The following HPSE2 variants were observed in gnomAD, a reference collection of about 807,000 sequenced individuals.
The protein encoded by HPSE2 is heparanase 2 (inactive), also known as inactive heparanase-2.
Under a neutral mutation model 60.5 loss-of-function variants are expected in HPSE2, and 38 were observed. The observed-to-expected ratio is 0.63, with a 90% CI of 0.48 to 0.82. The LOEUF (loss-of-function observed/expected upper bound fraction) is 0.82. HPSE2 is among the 40% of genes least tolerant of loss of function. The pLI is 0.00. For synonymous variants in HPSE2, 295 were observed against 293.2 expected, an observed-to-expected ratio of 1.01 and a Z score of -0.06; for missense variants, 713 against 740.4, an observed-to-expected ratio of 0.96 and a Z score of 0.43.
At chr10:99,117,642 T>C (rs909421178) in intron 3 of HPSE2, among the ~76,000 whole-genome samples, 1 of 151,892 alleles carries the variant, frequency 6.6e-6, no homozygotes, top group African/African-American at 2.4e-5. Flanking sequence ...TCTGTACACA[T>C]ACACCCTCCC....
chr10:99,041,124 C>T (rs763511347), intron 3 of HPSE2, among the ~76,000 whole-genome samples: 9 of 151,910 alleles, frequency 5.9e-5, no homozygotes, highest in Non-Finnish European at 1.0e-4. Flanking sequence ...GTATTCAGCA[C>T]ATTGATCTGA....
chr10:99,134,975 C>A (rs1039708507), intron 3 of HPSE2, among the ~76,000 whole-genome samples: 6 of 152,000 alleles, frequency 3.9e-5, no homozygotes, highest in Admixed American at 3.9e-4. Flanking sequence ...GAGACCCAGC[C>A]CACCTGCAAA....
intron 3 of HPSE2, among the ~76,000 whole-genome samples, chr10:99,135,191 A>G (rs114101379): frequency 0.022 from 2,776 of 124,992 alleles, 90 homozygotes; most frequent in African/African-American, 0.067. Context: ...TATGCACCCA[A>G]TACAAGAACA....
intron 3 of HPSE2, among the ~76,000 whole-genome samples, chr10:99,008,280 G>A (rs1956935904): frequency 6.6e-6 from 1 of 152,138 alleles, no homozygotes; most frequent in African/African-American, 2.4e-5. Flanking sequence ...ACACTAGCAA[G>A]GATAAAGCCT....
intron 3 of HPSE2, among the ~76,000 whole-genome samples, chr10:99,095,434 T>C (rs2135616384): frequency 6.6e-6 from 1 of 152,334 alleles, no homozygotes; most frequent in South Asian, 2.1e-4. Context: ...CTTCAACCAT[T>C]TAAACTGTAG....
chr10:99,072,021 G>C (rs1842806068), intron 3 of HPSE2, among the ~76,000 whole-genome samples: 1 of 84,314 alleles, frequency 1.2e-5, no homozygotes, highest in Admixed American at 1.0e-4. Context: ...CTCTAACTTT[G>C]TTTGTTTTTT....
At chr10:99,265,253 A>G in the HPSE2 span, among the ~76,000 whole-genome samples, 1 of 152,164 alleles carries the variant, frequency 6.6e-6, no homozygotes, top group Non-Finnish European at 1.5e-5. Context: ...ACCTATAAGA[A>G]CTAATGATAA....
chr10:98,708,309 A>G (rs1475201050), intron 5 of HPSE2, among the ~76,000 whole-genome samples: 1 of 152,056 alleles, frequency 6.6e-6, no homozygotes, highest in Non-Finnish European at 1.5e-5. Context: ...ACAAAAAATT[A>G]GCTGGGCGTG....
chr10:98,672,825 G>A (rs1213076499), intron 6 of HPSE2, among the ~76,000 whole-genome samples: 1 of 151,994 alleles, frequency 6.6e-6, no homozygotes, highest in Non-Finnish European at 1.5e-5. Flanking sequence ...CCTTTAAAAG[G>A]TGAGTGTCTC....
chr10:99,191,344 A>G (rs1240600712), intron 2 of HPSE2, among the ~76,000 whole-genome samples: 1 of 151,430 alleles, frequency 6.6e-6, no homozygotes, highest in African/African-American at 2.4e-5. Flanking sequence ...GACTCAGTGC[A>G]GTCCCAGGGG....
intron 9 of HPSE2, among the ~76,000 whole-genome samples, chr10:98,593,407 G>A (rs1156376088): frequency 6.6e-6 from 1 of 152,074 alleles, no homozygotes; most frequent in Non-Finnish European, 1.5e-5. Context: ...GGCATGCTTA[G>A]GAGTCTGGGG....
intron 3 of HPSE2, among the ~76,000 whole-genome samples, chr10:99,003,935 AGT>A (rs1956833623): frequency 6.6e-6 from 1 of 152,034 alleles, no homozygotes; most frequent in Admixed American, 6.6e-5. Context: ...TCTAAATTTA[AGT>A]CTTTTATCCA....
At chr10:99,044,990 A>T (rs1470405281) in intron 3 of HPSE2, among the ~76,000 whole-genome samples, 36 of 152,248 alleles carry the variant, frequency 2.4e-4, no homozygotes, top group African/African-American at 8.7e-4. Flanking sequence ...CTATGGACTC[A>T]AATGCAACAC....
chr10:98,657,443 G>A (rs1399438997), intron 6 of HPSE2, among the ~76,000 whole-genome samples: 2 of 151,928 alleles, frequency 1.3e-5, no homozygotes, highest in East Asian at 3.9e-4. Flanking sequence ...CAATTCTTGT[G>A]CTTCAACACC....
At chr10:99,132,225 G>GAAAGAA (rs1362965352) in intron 3 of HPSE2, among the ~76,000 whole-genome samples, 13 of 17,006 alleles carry the variant, frequency 7.6e-4, no homozygotes, top group Admixed American at 9.4e-4. Context: ...GAGAGAGAGA[G>GAAAGAA]AGAGAGAGAG....
chr10:98,873,066 C>A (rs978252566), intron 3 of HPSE2, among the ~76,000 whole-genome samples: 1 of 151,968 alleles, frequency 6.6e-6, no homozygotes, highest in South Asian at 2.1e-4. Flanking sequence ...GTTACAAGGG[C>A]CCCTATTTAA....
At chr10:99,046,204 C>T (rs1376708956) in intron 3 of HPSE2, among the ~76,000 whole-genome samples, 1 of 151,872 alleles carries the variant, frequency 6.6e-6, no homozygotes, top group Non-Finnish European at 1.5e-5. Context: ...TGTGATTCAC[C>T]ACATTAACAG....
chr10:98,907,490 A>T (rs1455598473), intron 3 of HPSE2, among the ~76,000 whole-genome samples: 3 of 152,080 alleles, frequency 2.0e-5, no homozygotes, highest in Non-Finnish European at 4.4e-5. Context: ...AACAAAACAA[A>T]ACAATACACA....
At position 98,494,457 on chromosome 10, in the gene HPSE2, A is replaced by C. The variant is rs183608678; in HGVS notation, c.1321-4261T>G. On this transcript the variant is annotated intron_variant, in intron 9 of 11. Coordinates refer to ENST00000370552, the MANE Select transcript of HPSE2 (RefSeq NM_021828.5). ...AAGGAAGAGGAACAGGCTATGACCT[A>C]ATGCTTGCTTGGACCAATATAAGCA... Among the ~76,000 whole-genome samples, 654 of 152,358 alleles carry C rather than the reference A, an allele frequency of 4.3e-3. 2 individuals are homozygous for C. Among genetic ancestry groups the C allele is most frequent in the Non-Finnish European group, 5.1e-3 (346 of 68,026 alleles).
Sources: gnomAD v4.1 joint callset for allele counts (sites outside exome capture counted in the v4.1 genomes callset) on GRCh38, gnomAD v4.1.1 for gene constraint, MANE v1.5 for transcripts, NCBI Gene and HGNC (gene_info 2026-07-23, HGNC 2026-07-21) for gene names.